CHID1: variants seen among roughly 807,000 people sequenced by gnomAD.
CHID1 encodes the protein chitinase domain containing 1.
Under a neutral mutation model 55.4 loss-of-function variants are expected in CHID1, and 44 were observed. The observed-to-expected ratio is 0.79, with a 90% CI of 0.62 to 1.02. The LOEUF is 1.02. CHID1 is among the 50% of genes least tolerant of loss of function. The pLI, the probability that CHID1 is intolerant of heterozygous loss-of-function variation, is 0.00. For synonymous variants in CHID1, 216 were observed against 212.9 expected (o/e 1.01, Z -0.13); for missense variants, 491 against 515.3 (o/e 0.95, Z 0.46).
At chr11:904,650 A>G (rs1852074472) in intron 2 of CHID1, 56 bp downstream of exon 2, 2 of 1,594,894 alleles carry the variant, frequency 1.3e-6, no homozygotes, top group Admixed American at 3.3e-5. Flanking sequence ...AAAGAAGAGG[A>G]TGATGGATCA....
At chr11:901,542 C>T (rs1487872655) in intron 4 of CHID1, among the ~76,000 whole-genome samples, 2 of 152,112 alleles carry the variant, frequency 1.3e-5, no homozygotes, top group Non-Finnish European at 2.9e-5. Context: ...AGGCAGCCTC[C>T]GCCTGAACCC....
At position 893,486 on chromosome 11, in the gene CHID1, C is replaced by G; in HGVS notation, c.642G>C (p.Glu214Asp). The G allele has an allele frequency of 6.4e-7, 1 of 1,551,534 alleles. No individual in the cohort carries two copies. The highest frequency in any genetic ancestry group is 8.7e-7 in the Non-Finnish European group (1 of 1,147,036). Residue 214 changes from glutamate to aspartate, a missense_variant, in exon 8 of 13, where the codon GAG (glutamate) becomes GAC (aspartate). Transcript: ENST00000323578. ...CCAGCAGCCGGGCCTGGTGCAGAGC[C>G]TCGGCCAAGTGGGTGAGCATGTGGA... ...GLIHMLTHLA[E>D]ALHQARLLAL... is the part of the protein sequence containing the mutation.
chr11:912,702 G>A (rs1329349709), upstream of CHID1, among the ~76,000 whole-genome samples: 1 of 151,984 alleles, frequency 6.6e-6, no homozygotes, highest in Non-Finnish European at 1.5e-5. Flanking sequence ...AAATTAGCCG[G>A]GCGTAGTGGC....
intron 8 of CHID1, among the ~76,000 whole-genome samples, chr11:889,936 G>A (rs539526355): frequency 1.9e-3 from 284 of 152,170 alleles, no homozygotes; most frequent in Middle Eastern, 3.4e-3. Flanking sequence ...GCTCCCCATG[G>A]CCTTGGGTCG....
At chr11:883,037 G>A (rs1022081413) in intron 10 of CHID1, 111 bp downstream of exon 10, 14 of 1,214,930 alleles carry the variant, frequency 1.2e-5, no homozygotes, top group Admixed American at 1.1e-4. Flanking sequence ...TGACTCTGTG[G>A]GGCAGAAGCC....
chr11:898,451 G>C (rs542159826), intron 7 of CHID1, among the ~76,000 whole-genome samples: 1 of 152,350 alleles, frequency 6.6e-6, no homozygotes, highest in South Asian at 2.1e-4. Context: ...ACCCGCGGTG[G>C]AGACCGCACC....
rs35216304 is a variant in CHID1, at chr11:886,150, C to CAA, written c.702-1983_702-1982dup. Among the ~76,000 whole-genome samples the CAA allele has an allele frequency of 9.4e-4, 19 of 20,304 alleles. 2 individuals are homozygous for CAA. Among genetic ancestry groups the CAA allele is most frequent in the East Asian group, 5.4e-3 (2 of 370 alleles). The allele number at this position is 20,304 out of a possible 152,430, so 13.3% of individuals were successfully genotyped here. ...TGGGCGACAAAGCAAGACTCCGTCT[C>CAA]AAAAAAAGAAAAAAAAAAAGGAAAA... On this transcript the variant is annotated intron_variant, in intron 8 of 12. Coordinates refer to ENST00000323578, the MANE Select transcript of CHID1 (RefSeq NM_023947.4).
In CHID1 at chr11:870,449, T is replaced by G. The variant is rs746032586; in HGVS notation, c.1010A>C (p.Gln337Pro). The change falls in exon 11 of 13, where the codon CAG becomes CCG. Residue 337 changes from glutamine to proline, a missense_variant. By Grantham distance (76) the Gln-to-Pro change is moderately conservative (BLOSUM62 -1). Coordinates refer to ENST00000323578, the MANE Select transcript of CHID1 (RefSeq NM_023947.4). ...GTACTCGAAGAAGTGCTCTGAGGCC[T>G]GGCTGTCCCACACCATCCGGGGCCT... Reference protein sequence around the residue: ...DHRPRMVWDSQASEHFFEYKK... With the variant: ...DHRPRMVWDSPASEHFFEYKK... 15 of 1,612,076 alleles carry G rather than the reference T, an allele frequency of 9.3e-6. No homozygotes were observed. The highest frequency in any genetic ancestry group is 1.7e-4 in the Middle Eastern group (1 of 5,960).
At chr11:889,347 C>T (rs1850636576) in intron 8 of CHID1, among the ~76,000 whole-genome samples, 1 of 152,216 alleles carries the variant, frequency 6.6e-6, no homozygotes, top group Non-Finnish European at 1.5e-5. Flanking sequence ...CTTCCCTCGG[C>T]CGACCAGCTG....
At chr11:897,622 G>C (rs1053300277) in intron 7 of CHID1, among the ~76,000 whole-genome samples, 1 of 152,228 alleles carries the variant, frequency 6.6e-6, no homozygotes, top group African/African-American at 2.4e-5. Context: ...GCAGACGACA[G>C]GCTCCCCATA....
At chr11:896,104 C>CGT (rs1185034493) in intron 7 of CHID1, among the ~76,000 whole-genome samples, 1,864 of 145,440 alleles carry the variant, frequency 0.013, 68 homozygotes, top group African/African-American at 0.047. Context: ...CCAGACACAA[C>CGT]GAGCCTGTCT....
At chr11:913,366 C>G (rs1852796195), upstream of CHID1, among the ~76,000 whole-genome samples, 1 of 152,102 alleles carries the variant, frequency 6.6e-6, no homozygotes, top group African/African-American at 2.4e-5. Context: ...TTCAGACAAC[C>G]TAAAGCACGC....
chr11:908,445 T>C, intron 1 of CHID1: 1 of 325,782 alleles, frequency 3.1e-6, no homozygotes, highest in Non-Finnish European at 4.4e-6. Flanking sequence ...ACTATCTTTC[T>C]GCTGCAGCTG....
At chr11:914,157 T>C (rs1028855058), upstream of CHID1, 3 of 158,464 alleles carry the variant, frequency 1.9e-5, no homozygotes, top group African/African-American at 7.2e-5. Flanking sequence ...GGTTAATAAA[T>C]TGGGTTTTGA....
chr11:877,406 C>T (rs538998911), intron 10 of CHID1, among the ~76,000 whole-genome samples: 128 of 152,310 alleles, frequency 8.4e-4, no homozygotes, highest in Non-Finnish European at 1.4e-3. Context: ...ACCATACCGG[C>T]TAATTTGTTT....
In CHID1 at chr11:889,368, G is replaced by A. The variant is rs568134634; in HGVS notation, c.701+4059C>T. Among the ~76,000 whole-genome samples, 5 of 152,308 alleles carry A rather than the reference G, an allele frequency of 3.3e-5. 1 individual carries two copies. The highest frequency in any genetic ancestry group is 1.2e-4 in the African/African-American group (5 of 41,572). On this transcript the variant is annotated intron_variant, in intron 8 of 12. Transcript: ENST00000323578. ...TCGGCCGACCAGCTGCCATCTCTGGGTGACATCTGCATCACTGTAGTTGAC... is the reference window on the plus strand; with the variant it reads ...TCGGCCGACCAGCTGCCATCTCTGGATGACATCTGCATCACTGTAGTTGAC...
Position 869,510 on chromosome 11 carries a change from T to G in CHID1, c.*348A>C. The G allele has an allele frequency of 2.7e-6, 1 of 371,486 alleles. No homozygotes were observed. Among genetic ancestry groups the G allele is most frequent in the Non-Finnish European group, 5.0e-6 (1 of 200,720 alleles). 23.0% of individuals were successfully genotyped at this position (371,486 alleles called of 1,614,324 possible). On this transcript the variant is annotated 3_prime_UTR_variant, in exon 13 of 13. Transcript: ENST00000323578. ...GCGAGTCCGGGATGGTTCCAGAGCTTCCAAACCCACATCCAGCCCAGGATG... is the reference window on the plus strand; with the variant it reads ...GCGAGTCCGGGATGGTTCCAGAGCTGCCAAACCCACATCCAGCCCAGGATG...
At chr11:876,943 C>A (rs1202926298) in intron 10 of CHID1, among the ~76,000 whole-genome samples, 1 of 152,202 alleles carries the variant, frequency 6.6e-6, no homozygotes, top group Non-Finnish European at 1.5e-5. Context: ...CTCCAGTGGT[C>A]CTGCATCCAG....
At chr11:905,677 A>AG (rs2134354795) in intron 1 of CHID1, among the ~76,000 whole-genome samples, 1 of 152,176 alleles carries the variant, frequency 6.6e-6, no homozygotes, top group East Asian at 1.9e-4. Flanking sequence ...TCAAAAAAAA[A>AG]AAAGAAAAAA....
Sources: allele counts gnomAD v4.1 joint callset (sites outside exome capture counted in the v4.1 genomes callset), GRCh38; gene constraint gnomAD v4.1.1; transcripts MANE v1.5; gene names NCBI Gene and HGNC (gene_info 2026-07-23, HGNC 2026-07-21).